Variants in SLC4A1AP observed in about 807,000 individuals in gnomAD.
SLC4A1AP encodes kanadaptin.
SLC4A1AP carries 64 observed loss-of-function variants against 89.7 expected under a neutral mutation model. The ratio of observed to expected loss-of-function variants is 0.71; its 90% CI spans 0.58 to 0.88. SLC4A1AP has a LOEUF of 0.88. SLC4A1AP is among the 40% of genes least tolerant of loss of function. The pLI is 0.00. For synonymous variants in SLC4A1AP, 366 were observed against 353.3 expected (o/e 1.04, Z -0.40); for missense variants, 931 against 965.0 (o/e 0.96, Z 0.47).
At chr2:27,683,752 C>A (rs1038923361) in intron 9 of SLC4A1AP, among the ~76,000 whole-genome samples, 1 of 151,982 alleles carries the variant, frequency 6.6e-6, no homozygotes. Flanking sequence ...TTGTTTGTTT[C>A]ATTGAGAGAC....
chr2:27,677,887 A>G (rs1675550327), exon 8 of SLC4A1AP: 12 of 1,606,708 alleles, frequency 7.5e-6, no homozygotes, highest in Non-Finnish European at 9.3e-6. Flanking sequence ...AGGGTTAATA[A>G]AAATTGTAAA....
intron 5 of SLC4A1AP, among the ~76,000 whole-genome samples, chr2:27,673,302 T>C (rs895187911): frequency 1.6e-4 from 24 of 148,800 alleles, no homozygotes; most frequent in South Asian, 8.5e-4. Context: ...ATGAATTTCT[T>C]TCTCTCTCTC....
In SLC4A1AP at chr2:27,667,394, T is replaced by C. The variant is rs1165625890; in HGVS notation, c.1144+4T>C. The C allele has an allele frequency of 5.0e-6, 8 of 1,611,052 alleles. No homozygotes were observed. Among genetic ancestry groups the C allele is most frequent in the Non-Finnish European group, 6.8e-6 (8 of 1,178,906 alleles). On this transcript the variant is annotated splice_donor_region_variant and intron_variant, in intron 3 of 13. Transcript: ENST00000613058. ...CAAGGCTTTTTTGACCGAGAAGGTATGTAAACAGATTCTGACCCTACCACT... is the reference window on the plus strand; with the variant it reads ...CAAGGCTTTTTTGACCGAGAAGGTACGTAAACAGATTCTGACCCTACCACT...
chr2:27,681,000 T>C (rs1323951574), intron 8 of SLC4A1AP, among the ~76,000 whole-genome samples: 5 of 152,136 alleles, frequency 3.3e-5, no homozygotes, highest in Non-Finnish European at 7.3e-5. Flanking sequence ...TGGGTTGAAC[T>C]TCCAAACTTT....
intron 7 of SLC4A1AP, 141 bp from the exon 8 acceptor site, chr2:27,677,597 C>A: frequency 1.4e-6 from 1 of 721,396 alleles, no homozygotes; most frequent in Non-Finnish European, 2.3e-6. Flanking sequence ...GGTCTCATGG[C>A]TATAACCTGT....
intron 1 of SLC4A1AP, 114 bp downstream of exon 1, chr2:27,664,691 G>C: frequency 6.2e-6 from 5 of 800,568 alleles, no homozygotes; most frequent in Admixed American, 2.8e-5. Context: ...GAAAGTGAAG[G>C]AATCAAGTCT....
chr2:27,670,384 G>A (rs1261714108), intron 5 of SLC4A1AP, among the ~76,000 whole-genome samples: 1 of 151,558 alleles, frequency 6.6e-6, no homozygotes, highest in East Asian at 1.9e-4. Flanking sequence ...TCTGAGTAGA[G>A]CATCATTTAT....
chr2:27,680,973 C>T (rs1287511462), intron 8 of SLC4A1AP, among the ~76,000 whole-genome samples: 1 of 152,016 alleles, frequency 6.6e-6, no homozygotes, highest in Non-Finnish European at 1.5e-5. Flanking sequence ...GTATCTTCTT[C>T]CTCCTCTTTT....
chr2:27,679,752 A>G (rs1228233232), intron 8 of SLC4A1AP, among the ~76,000 whole-genome samples: 2 of 152,186 alleles, frequency 1.3e-5, no homozygotes, highest in Admixed American at 1.3e-4. Context: ...CGCTGTCTGT[A>G]AAAAATGATG....
At position 27,667,447 on chromosome 2, in the gene SLC4A1AP, C is replaced by G. The variant is rs556715800; in HGVS notation, c.1144+57C>G. The G allele has an allele frequency of 6.6e-6, 10 of 1,510,372 alleles. No individual in the cohort carries two copies. In the East Asian group the frequency reaches 1.4e-4, roughly 21 times the overall value. 93.6% of individuals were successfully genotyped at this position (1,510,372 alleles called of 1,614,324 possible). On this transcript the variant is annotated intron_variant, in intron 3 of 13. Transcript: ENST00000613058. Reference sequence around the variant, plus strand: ...AACATATCCAGAGCAGTGTGGTTTTCTAGAGCTTCATGTTGAGCTTTATAC... The same window carrying G: ...AACATATCCAGAGCAGTGTGGTTTTGTAGAGCTTCATGTTGAGCTTTATAC...
chr2:27,672,306 C>T (rs1314149087), intron 5 of SLC4A1AP, among the ~76,000 whole-genome samples: 3 of 150,842 alleles, frequency 2.0e-5, no homozygotes, highest in East Asian at 1.9e-4. Context: ...TTTTTTTCTT[C>T]TTTTTTTCAT....
chr2:27,675,661 T>C (rs1047388295), exon 6 of SLC4A1AP: 5 of 1,599,098 alleles, frequency 3.1e-6, no homozygotes, highest in Middle Eastern at 1.7e-4. Flanking sequence ...GCTGGCAAGA[T>C]TGATGAGAAG....
intron 5 of SLC4A1AP, 135 bp downstream of exon 5, chr2:27,669,522 T>C (rs1422879623): frequency 1.4e-6 from 1 of 725,772 alleles, no homozygotes; most frequent in Non-Finnish European, 2.2e-6. Context: ...AAATTCTCAA[T>C]ACCCTAAGGT....
chr2:27,688,794 A>T (rs750102638), intron 12 of SLC4A1AP, 27 bp downstream of exon 12: 25 of 1,545,386 alleles, frequency 1.6e-5, no homozygotes, highest in Admixed American at 3.8e-5. Context: ...TCTGGGAGTA[A>T]AAATGAATCC....
chr2:27,667,406 C>G lies in SLC4A1AP; in HGVS notation c.1144+16C>G. ...GACCGAGAAGGTATGTAAACAGATT[C>G]TGACCCTACCACTAAAACATATCCA... On this transcript the variant is annotated intron_variant, in intron 3 of 13. Coordinates refer to ENST00000613058, the Ensembl canonical transcript of SLC4A1AP. 1.2e-6 allele frequency: 2 copies of G among 1,605,924 alleles called. No homozygotes were observed. Among genetic ancestry groups the G allele is most frequent in the Non-Finnish European group, 1.7e-6 (2 of 1,176,934 alleles).
intron 8 of SLC4A1AP, among the ~76,000 whole-genome samples, chr2:27,680,681 T>TG (rs1675604468): frequency 6.6e-6 from 1 of 151,784 alleles, no homozygotes; most frequent in Non-Finnish European, 1.5e-5. Context: ...CCCTGCTACT[T>TG]GGGAGGCTGA....
intron 8 of SLC4A1AP, among the ~76,000 whole-genome samples, chr2:27,679,252 G>A (rs13427573): frequency 0.057 from 8,626 of 152,212 alleles, 668 homozygotes; most frequent in African/African-American, 0.18. Context: ...AGCATTGTTT[G>A]TATTAATAGT....
At chr2:27,683,752 C>G (rs1038923361) in intron 9 of SLC4A1AP, among the ~76,000 whole-genome samples, 1 of 151,982 alleles carries the variant, frequency 6.6e-6, no homozygotes, top group Non-Finnish European at 1.5e-5. Context: ...TTGTTTGTTT[C>G]ATTGAGAGAC....
chr2:27,676,453 C>A (rs756427139), intron 6 of SLC4A1AP, among the ~76,000 whole-genome samples: 2 of 152,140 alleles, frequency 1.3e-5, no homozygotes, highest in Admixed American at 6.5e-5. Context: ...AAAATGAAGT[C>A]CGAGTTATTC....
Sources: allele counts gnomAD v4.1 joint callset (sites outside exome capture counted in the v4.1 genomes callset), GRCh38; gene constraint gnomAD v4.1.1; transcripts MANE v1.5; gene names NCBI Gene and HGNC (gene_info 2026-07-23, HGNC 2026-07-21).